The following TMEM260 variants were observed in gnomAD, a reference collection of about 807,000 sequenced individuals.
TMEM260 encodes the protein protein O-mannosyl-transferase TMEM260.
In TMEM260, 82 loss-of-function variants were observed where a neutral mutation model predicts 88.9. The ratio of observed to expected loss-of-function variants is 0.92; its 90% confidence interval spans 0.77 to 1.11. TMEM260 has a LOEUF of 1.11. Ranked by LOEUF, TMEM260 falls within the 50% of genes least tolerant of loss-of-function variation. TMEM260 has a pLI of 0.00. For missense variants in TMEM260, 902 were observed against 853.4 expected, an observed-to-expected ratio of 1.06 and a Z score of -0.71; for synonymous variants, 314 against 309.3, an observed-to-expected ratio of 1.02 and a Z score of -0.16.
intron 15 of TMEM260, 86 bp downstream of exon 15, chr14:56,636,684 A>G: frequency 8.6e-7 from 1 of 1,157,308 alleles, no homozygotes; most frequent in Non-Finnish European, 1.3e-6. Flanking sequence ...GGTATATCAC[A>G]TTAGAATTTT....
At chr14:56,621,366 AG>A (rs1261997600) in intron 10 of TMEM260, among the ~76,000 whole-genome samples, 164 bp from the exon 11 acceptor site, 1 of 152,170 alleles carries the variant, frequency 6.6e-6, no homozygotes, top group African/African-American at 2.4e-5. Context: ...GCTGCTTATC[AG>A]GTGATAGTAT....
At chr14:56,596,892 G>C (rs1304281647) in intron 3 of TMEM260, among the ~76,000 whole-genome samples, 1 of 149,472 alleles carries the variant, frequency 6.7e-6, no homozygotes, top group African/African-American at 2.5e-5. Flanking sequence ...ACATTATATA[G>C]AAGATTTTAA....
chr14:56,610,227 G>T lies in TMEM260; in HGVS notation c.816+942G>T, dbSNP rs564286939. Among the ~76,000 whole-genome samples, 412 of 151,706 alleles carry T rather than the reference G, an allele frequency of 2.7e-3. 3 individuals are homozygous for T. Among genetic ancestry groups the T allele is most frequent in the African/African-American group, 9.6e-3 (397 of 41,284 alleles). On this transcript the variant is annotated intron_variant, in intron 6 of 15. Coordinates refer to ENST00000261556, the MANE Select transcript of TMEM260 (RefSeq NM_017799.4). ...AGGTTTTGTTTCTTTTTAAAAAAAAGAATTTTTTTTTTTATTTTGCTTTGT... is the reference window on the plus strand; with the variant it reads ...AGGTTTTGTTTCTTTTTAAAAAAAATAATTTTTTTTTTTATTTTGCTTTGT...
At chr14:56,656,419 CAAAT>C in the TMEM260 span, among the ~76,000 whole-genome samples, 18 of 151,772 alleles carry the variant, frequency 1.2e-4, no homozygotes, top group Admixed American at 5.9e-4. Flanking sequence ...GACCTTATCT[CAAAT>C]AAATAAATAA....
At chr14:56,625,648 G>A (rs1392823802) in intron 12 of TMEM260, 118 bp downstream of exon 12, 3 of 690,726 alleles carry the variant, frequency 4.3e-6, no homozygotes, top group Non-Finnish European at 2.3e-6. Flanking sequence ...CCCTGTCACT[G>A]GTGAGATTAT....
chr14:56,627,544 T>C (rs1024778795), intron 12 of TMEM260, among the ~76,000 whole-genome samples: 2 of 152,184 alleles, frequency 1.3e-5, no homozygotes, highest in African/African-American at 4.8e-5. Flanking sequence ...CTTTTGTATA[T>C]GTAGGGTTTT....
At chr14:56,621,363 A>T (rs536231211) in intron 10 of TMEM260, among the ~76,000 whole-genome samples, 168 bp from the exon 11 acceptor site, 1 of 152,286 alleles carries the variant, frequency 6.6e-6, no homozygotes, top group South Asian at 2.1e-4. Context: ...GCTGCTGCTT[A>T]TCAGGTGATA....
chr14:56,595,560 G>C (rs1886153133), intron 3 of TMEM260, among the ~76,000 whole-genome samples: 2 of 152,076 alleles, frequency 1.3e-5, no homozygotes, highest in Non-Finnish European at 2.9e-5. Context: ...GCTCACTGCA[G>C]CCTCAACCTC....
At chr14:56,640,308 G>A (rs937177146) in intron 15 of TMEM260, among the ~76,000 whole-genome samples, 2 of 151,608 alleles carry the variant, frequency 1.3e-5, no homozygotes, top group African/African-American at 4.8e-5. Context: ...CTTCCAGAGG[G>A]ACAATCAGGC....
chr14:56,579,613 C>T (rs1884957974), upstream of TMEM260: 3 of 316,490 alleles, frequency 9.5e-6, no homozygotes, highest in African/African-American at 2.1e-5. Context: ...GGCCTGTGGC[C>T]GGGCTTGCTT....
chr14:56,647,855 T>G lies in TMEM260; in HGVS notation c.*358T>G, dbSNP rs1890063884. 5.7e-6 allele frequency: 1 copy of G among 174,620 alleles called. No individual in the cohort carries two copies. Among genetic ancestry groups the G allele is most frequent in the Non-Finnish European group, 1.2e-5 (1 of 81,782 alleles). The allele number at this position is 174,620 out of a possible 1,614,324, so 10.8% of individuals were successfully genotyped here. A position where few individuals can be genotyped will look rare whatever the true frequency, so the allele number is the denominator to read the frequency against. ...TGAACTGTGTAAGGGCCATGCTTAT[T>G]GGGATCAGTTTTAAAGTTAAATTCT... On this transcript the variant is annotated 3_prime_UTR_variant, in exon 16 of 16. Transcript: ENST00000261556.
At chr14:56,619,853 C>G (rs908081816) in intron 10 of TMEM260, among the ~76,000 whole-genome samples, 1 of 152,082 alleles carries the variant, frequency 6.6e-6, no homozygotes, top group South Asian at 2.1e-4. Context: ...TTTATTACAG[C>G]GCTATTCACA....
intron 10 of TMEM260, among the ~76,000 whole-genome samples, chr14:56,619,087 G>A (rs988787876): frequency 1.3e-5 from 2 of 152,152 alleles, no homozygotes; most frequent in Non-Finnish European, 1.5e-5. Context: ...CCACTTAGAT[G>A]GAGAGTAAAA....
At chr14:56,631,835 ATCTG>A (rs1888629291) in intron 12 of TMEM260, among the ~76,000 whole-genome samples, 1 of 152,082 alleles carries the variant, frequency 6.6e-6, no homozygotes, top group Admixed American at 6.5e-5. Flanking sequence ...GTTTCTATCT[ATCTG>A]TTGGGAAACT....
At chr14:56,583,872 A>G (rs972042811) in intron 1 of TMEM260, among the ~76,000 whole-genome samples, 3 of 152,164 alleles carry the variant, frequency 2.0e-5, no homozygotes, top group African/African-American at 7.2e-5. Context: ...ATATAAGCCT[A>G]GAAAAGGGAC....
chr14:56,599,282 CT>C (rs1421383173), intron 3 of TMEM260, among the ~76,000 whole-genome samples: 1 of 152,120 alleles, frequency 6.6e-6, no homozygotes, highest in Non-Finnish European at 1.5e-5. Context: ...CAAAGGATGG[CT>C]CCATCCAGCT....
rs548127922 is a variant in TMEM260 at position 56,605,702 on chromosome 14, TA to T, written c.636+27del. On this transcript the variant is annotated intron_variant, in intron 5 of 15. Transcript: ENST00000261556. The stretch of plus-strand genomic sequence containing the variant: ...AAAGAAGGTACGTTTTTGAATTTTG[TA>T]AAAAAAAGTACAATATTTTACTTAG... The T allele has an allele frequency of 1.2e-3, 1,698 of 1,398,874 alleles. 4 individuals are homozygous for T. The highest frequency in any genetic ancestry group is 1.5e-3 in the Non-Finnish European group (1,492 of 1,012,954). 86.7% of individuals were successfully genotyped at this position (1,398,874 alleles called of 1,614,324 possible). A position where few individuals can be genotyped will look rare whatever the true frequency, so the allele number is the denominator to read the frequency against.
intron 12 of TMEM260, among the ~76,000 whole-genome samples, chr14:56,627,205 CTTATT>C (rs1225737362): frequency 1.3e-5 from 2 of 152,026 alleles, no homozygotes; most frequent in Non-Finnish European, 2.9e-5. Context: ...ATAAATATGA[CTTATT>C]TAATATCAGT....
chr14:56,608,955 G>A, intron 5 of TMEM260, 151 bp from the exon 6 acceptor site: 1 of 839,416 alleles, frequency 1.2e-6, no homozygotes, highest in African/African-American at 1.7e-5. Context: ...TAATCAGAAG[G>A]TTTAACATAG....
Sources: gnomAD v4.1 joint callset for allele counts (sites outside exome capture counted in the v4.1 genomes callset) on GRCh38, gnomAD v4.1.1 for gene constraint, MANE v1.5 for transcripts, NCBI Gene and HGNC (gene_info 2026-07-23, HGNC 2026-07-21) for gene names.